The following ACTL8 variants were observed in gnomAD, a reference collection of about 807,000 sequenced individuals.
ACTL8 encodes actin-like protein 8.
Under a neutral mutation model 9.3 loss-of-function variants are expected in ACTL8, and 3 were observed. That is an observed-to-expected ratio of 0.32 (90% CI 0.15 to 0.83). The LOEUF (loss-of-function observed/expected upper bound fraction) is 0.83, where lower values mean the gene tolerates loss of function less well. ACTL8 is among the 40% of genes least tolerant of loss of function. The pLI, the probability that ACTL8 is intolerant of heterozygous loss-of-function variation, is 0.57. For synonymous variants in ACTL8, 224 were observed against 205.9 expected, an observed-to-expected ratio of 1.09 and a Z score of -0.75; for missense variants, 381 against 492.2, an observed-to-expected ratio of 0.77 and a Z score of 2.14.
chr1:17,757,525 C>T (rs572753956), intron 1 of ACTL8, among the ~76,000 whole-genome samples: 3 of 146,754 alleles, frequency 2.0e-5, no homozygotes, highest in Non-Finnish European at 4.5e-5. Flanking sequence ...CCTTTCCCTC[C>T]GCAGTGCTGG....
At position 17,761,333 on chromosome 1, in the gene ACTL8, G is replaced by T. The variant is rs554778334; in HGVS notation, c.-25+5829G>T. Among the ~76,000 whole-genome samples, 7 of 152,104 alleles carry T rather than the reference G, an allele frequency of 4.6e-5. No homozygotes were observed. The South Asian group carries it at 1.5e-3, about 32-fold the overall frequency. On this transcript the variant is annotated intron_variant, in intron 1 of 2. Transcript: ENST00000375406. The stretch of plus-strand genomic sequence containing the variant: ...CTAGCGCAGTGCCTGGCATGCAGCA[G>T]TGACTTAATAAATGCATGTTTCTGC...
At chr1:17,805,847 A>G (rs1365080842) in intron 1 of ACTL8, among the ~76,000 whole-genome samples, 1 of 152,028 alleles carries the variant, frequency 6.6e-6, no homozygotes, top group Non-Finnish European at 1.5e-5. Flanking sequence ...GAGAGCTGTA[A>G]CTCTAACCCC....
rs184056210 is a variant in ACTL8, at chr1:17,767,297, A to C, written c.-25+11793A>C. ...TGCTGGGGTTGCATCGGATGATAGGATCCGACTTCGCTGCTGGAGACAGAG... is the reference window on the plus strand; with the variant it reads ...TGCTGGGGTTGCATCGGATGATAGGCTCCGACTTCGCTGCTGGAGACAGAG... On this transcript the variant is annotated intron_variant, in intron 1 of 2. Transcript: ENST00000375406. This position sits in a 1 kb window ranked among gnomAD's most constrained non-coding sequence, Gnocchi z 4.7. Among the ~76,000 whole-genome samples, 5 of 151,928 alleles carry C rather than the reference A, an allele frequency of 3.3e-5. No homozygotes were observed. Among genetic ancestry groups the C allele is most frequent in the Non-Finnish European group, 5.9e-5 (4 of 67,938 alleles).
chr1:17,777,759 T>TGCAGCTGGAGA (rs2066127550), intron 1 of ACTL8, among the ~76,000 whole-genome samples: 1 of 152,218 alleles, frequency 6.6e-6, no homozygotes, highest in Admixed American at 6.5e-5. Context: ...AGTGCAGTGG[T>TGCAGCTGGAGA]GCAATCTCAG....
chr1:17,755,940 C>G (rs1267321494), intron 1 of ACTL8, among the ~76,000 whole-genome samples: 3 of 142,698 alleles, frequency 2.1e-5, no homozygotes, highest in Non-Finnish European at 3.0e-5. Context: ...TATTTCAGTC[C>G]TGGGGTGGGG....
At chr1:17,825,065 T>G (rs2053702428) in intron 2 of ACTL8, among the ~76,000 whole-genome samples, 1 of 100,356 alleles carries the variant, frequency 1.0e-5, no homozygotes, top group Non-Finnish European at 1.9e-5. Context: ...CTGCCAGAGC[T>G]GAGGAATGGG....
intron 1 of ACTL8, among the ~76,000 whole-genome samples, chr1:17,805,857 CA>C (rs2066357000): frequency 6.6e-6 from 1 of 152,296 alleles, no homozygotes; most frequent in African/African-American, 2.4e-5. Context: ...ACTCTAACCC[CA>C]CTGCCTCTTC....
chr1:17,764,337 G>A (rs2066029130), intron 1 of ACTL8, among the ~76,000 whole-genome samples: 2 of 152,214 alleles, frequency 1.3e-5, no homozygotes, highest in African/African-American at 2.4e-5. Flanking sequence ...TCCATGCCTG[G>A]CACATAGTTG....
chr1:17,760,303 G>A (rs1317747829), intron 1 of ACTL8, among the ~76,000 whole-genome samples: 1 of 152,146 alleles, frequency 6.6e-6, no homozygotes, highest in Non-Finnish European at 1.5e-5. Context: ...TGAATGGGAG[G>A]GGAGATGCCA....
chr1:17,779,524 A>G (rs1352112664), intron 1 of ACTL8, among the ~76,000 whole-genome samples: 1 of 152,214 alleles, frequency 6.6e-6, no homozygotes, highest in Non-Finnish European at 1.5e-5. Flanking sequence ...GCTGTGTTGC[A>G]CTAATAAATA....
At chr1:17,760,327 C>T (rs2065992372) in intron 1 of ACTL8, among the ~76,000 whole-genome samples, 1 of 152,134 alleles carries the variant, frequency 6.6e-6, no homozygotes, top group Admixed American at 6.5e-5. Context: ...TTCAATTCCC[C>T]AGATGAGGGT....
intron 1 of ACTL8, among the ~76,000 whole-genome samples, chr1:17,760,264 G>A (rs979249961): frequency 7.2e-5 from 11 of 152,310 alleles, no homozygotes; most frequent in African/African-American, 2.4e-4. Context: ...AAGTAACACT[G>A]ATGGATTCGA....
rs193239415 is a variant in ACTL8 at position 17,770,031 on chromosome 1, T to C, written c.-25+14527T>C. The stretch of plus-strand genomic sequence containing the variant: ...AGGCGTATAAATAAAAATAAAATAT[T>C]TGCCTTCTAGATATGTTGATTTGTA... On this transcript the variant is annotated intron_variant, in intron 1 of 2. Transcript: ENST00000375406. Among the ~76,000 whole-genome samples the C allele has an allele frequency of 3.5e-3, 529 of 152,298 alleles. 5 individuals carry two copies. Among genetic ancestry groups the C allele is most frequent in the African/African-American group, 0.012 (500 of 41,566 alleles).
intron 1 of ACTL8, among the ~76,000 whole-genome samples, chr1:17,769,554 T>G (rs2066070146): frequency 6.6e-6 from 1 of 152,168 alleles, no homozygotes; most frequent in African/African-American, 2.4e-5. Flanking sequence ...ACAGTTCTTC[T>G]CTGTAAGCCT....
intron 1 of ACTL8, among the ~76,000 whole-genome samples, chr1:17,756,393 G>T (rs930187163): frequency 6.6e-6 from 1 of 152,018 alleles, no homozygotes; most frequent in Non-Finnish European, 1.5e-5. Context: ...GATTCTTAGC[G>T]GGGGGTTGTT....
intron 1 of ACTL8, among the ~76,000 whole-genome samples, chr1:17,757,682 C>T (rs2065977415): frequency 6.6e-6 from 1 of 152,120 alleles, no homozygotes; most frequent in Admixed American, 6.5e-5. Context: ...GGCGGGTATA[C>T]ACAGACCTAG....
chr1:17,822,983 A>T lies in ACTL8; in HGVS notation c.-24-2A>T, dbSNP rs377529807. 1 of 1,597,916 alleles carries T rather than the reference A, an allele frequency of 6.3e-7. No homozygotes were observed. On this transcript the variant is annotated splice_acceptor_variant, in intron 1 of 2. Coordinates refer to ENST00000375406, the MANE Select transcript of ACTL8 (RefSeq NM_030812.3). LOFTEE classifies it low-confidence loss of function (5UTR_SPLICE). ...AACTAACCCCATCCTTTGCTTCCGC[A>T]GGTCCCACCCACCTCTGCCTCCGCC...
chr1:17,797,653 G>T (rs1299120153), intron 1 of ACTL8, among the ~76,000 whole-genome samples: 1 of 152,192 alleles, frequency 6.6e-6, no homozygotes, highest in Non-Finnish European at 1.5e-5. Context: ...GCAGTCGAGA[G>T]AATATTCTGG....
chr1:17,826,602 T>G lies in ACTL8; in HGVS notation c.*83T>G. 1 of 1,355,140 alleles carries G rather than the reference T, an allele frequency of 7.4e-7. No individual in the cohort carries two copies. The highest frequency in any genetic ancestry group is 9.8e-7 in the Non-Finnish European group (1 of 1,023,114). 83.9% of individuals were successfully genotyped at this position (1,355,140 alleles called of 1,614,324 possible). On this transcript the variant is annotated 3_prime_UTR_variant, in exon 3 of 3. Transcript: ENST00000375406. This position sits in a 1 kb window ranked among gnomAD's most constrained non-coding sequence, Gnocchi z 4.5. ...TTTAGCAAAATGTTCTGGGTGGGGG[T>G]AGAATGAGGTGGGGTGGGGTGAGCT...
Sources: allele counts gnomAD v4.1 joint callset (sites outside exome capture counted in the v4.1 genomes callset), GRCh38; gene constraint gnomAD v4.1.1; non-coding constraint Gnocchi (gnomAD v3.1); transcripts MANE v1.5; gene names NCBI Gene and HGNC (gene_info 2026-07-23, HGNC 2026-07-21).